Variants in PAK3 observed in about 807,000 individuals in gnomAD.
PAK3 encodes serine/threonine-protein kinase PAK 3.
Under a neutral mutation model 41.0 loss-of-function variants are expected in PAK3, and 4 were observed. The observed-to-expected ratio is 0.10, with a 90% confidence interval of 0.05 to 0.22. The LOEUF (loss-of-function observed/expected upper bound fraction) is 0.22, where lower values mean the gene tolerates loss of function less well. Among genes scored for constraint, PAK3 ranks in the 10% least tolerant of loss-of-function variants. The pLI is 1.00. For missense variants in PAK3, 205 were observed against 409.9 expected, an observed-to-expected ratio of 0.50 and a Z score of 4.32; for synonymous variants, 146 against 139.6, an observed-to-expected ratio of 1.05 and a Z score of -0.32.
intron 1 of PAK3, among the ~76,000 whole-genome samples, chrX:111,055,557 T>G (rs775434753): frequency 8.9e-6 from 1 of 112,073 alleles, no homozygotes; most frequent in East Asian, 2.8e-4. Flanking sequence ...AATAGTCAAG[T>G]CCAAAATCCC....
chrX:111,079,378 T>C (rs1447750064), intron 1 of PAK3, among the ~76,000 whole-genome samples: 1 of 111,728 alleles, frequency 9.0e-6, no homozygotes, highest in African/African-American at 3.2e-5. Flanking sequence ...CCCTTAAGAA[T>C]TATGCTAAAT....
At chrX:111,018,123 C>T (rs1381114803) in intron 1 of PAK3, among the ~76,000 whole-genome samples, 1 of 111,300 alleles carries the variant, frequency 9.0e-6, no homozygotes, top group Non-Finnish European at 1.9e-5. Context: ...AAACCTACAG[C>T]TAACATCATG....
chrX:111,193,744 G>T (rs1399742324), intron 13 of PAK3, among the ~76,000 whole-genome samples: 1 of 100,579 alleles, frequency 9.9e-6, no homozygotes, highest in Non-Finnish European at 1.9e-5. Context: ...TTGTAATTTT[G>T]CAAAAACAAA....
At position 111,123,107 on chromosome X, in the gene PAK3, T is replaced by C; in HGVS notation, c.4T>C (p.Ser2Pro). Residue 2 changes from serine (S) to proline (P), a missense_variant, in exon 5 of 18, where the codon TCT becomes CCT. By Grantham distance (74) the Ser-to-Pro change is moderately conservative (BLOSUM62 -1). Transcript: ENST00000372007. M[S>P]DGLDNEEKPP... Reference sequence around the variant, plus strand: ...GTGAAATTAGTTGTAACTGAAAATGTCTGACGGTCTGGATAATGAAGAGAA... The same window carrying C: ...GTGAAATTAGTTGTAACTGAAAATGCCTGACGGTCTGGATAATGAAGAGAA... 1 of 1,201,048 alleles carries C rather than the reference T, an allele frequency of 8.3e-7. No individual in the cohort carries two copies. The highest frequency in any genetic ancestry group is 1.1e-6 in the Non-Finnish European group (1 of 885,804).
At chrX:111,157,072 T>C (rs1424780696) in intron 8 of PAK3, among the ~76,000 whole-genome samples, 2 of 111,534 alleles carry the variant, frequency 1.8e-5, no homozygotes, top group Non-Finnish European at 3.8e-5. Flanking sequence ...TACTGGTTAA[T>C]TTTTTTTAAA....
intron 1 of PAK3, among the ~76,000 whole-genome samples, chrX:110,967,190 C>T (rs936074990): frequency 1.8e-5 from 2 of 112,918 alleles, no homozygotes; most frequent in African/African-American, 6.4e-5. Flanking sequence ...TAACATTCTA[C>T]AGACTTGCCA....
chrX:111,121,198 G>A (rs138827392), intron 4 of PAK3, among the ~76,000 whole-genome samples: 108 of 111,657 alleles, frequency 9.7e-4, no homozygotes, highest in African/African-American at 3.2e-3. Flanking sequence ...TGAAATTGTT[G>A]GTGATAGTGA....
Position 111,225,193 on chromosome X carries a change from C to T in PAK3, c.*4746C>T, listed in dbSNP as rs1430845371. 1 of 112,295 alleles carries T rather than the reference C, an allele frequency of 8.9e-6. No homozygotes were observed. The highest frequency in any genetic ancestry group is 1.9e-5 in the Non-Finnish European group (1 of 53,288). The allele number at this position is 112,295 out of a possible 1,213,427, so 9.3% of individuals were successfully genotyped here. ...GTAGAAGATTTGTTTTTGATATAAT[C>T]TTTCTGTTGGTTAGCTTTTAGTGTT... On this transcript the variant is annotated 3_prime_UTR_variant, in exon 18 of 18. Coordinates refer to ENST00000372007, the MANE Select transcript of PAK3 (RefSeq NM_002578.5).
chrX:111,093,448 G>T (rs1011771984), upstream of PAK3, among the ~76,000 whole-genome samples: 2 of 111,610 alleles, frequency 1.8e-5, no homozygotes, highest in Non-Finnish European at 3.8e-5. Context: ...ACAGTGAGTT[G>T]GGTGGTAAAA....
chrX:111,217,405 G>T lies in PAK3; in HGVS notation c.1545+847G>T, dbSNP rs1488421904. ...CATTTAACATCTAAGAACAATGACT[G>T]CTATTTTTCTTTGTGATTTTGAACA... On this transcript the variant is annotated intron_variant, in intron 17 of 17. Coordinates refer to ENST00000372007, the MANE Select transcript of PAK3 (RefSeq NM_002578.5). 6.4e-5 allele frequency: 33 copies of T among 517,112 alleles called. 1 individual carries two copies. The Admixed American group carries it at 1.0e-3, about 16-fold the overall frequency. 42.6% of individuals were successfully genotyped at this position (517,112 alleles called of 1,213,427 possible). A position where few individuals can be genotyped will look rare whatever the true frequency, so the allele number is the denominator to read the frequency against.
At chrX:110,946,286 G>A (rs2090618397) in intron 1 of PAK3, among the ~76,000 whole-genome samples, 2 of 110,792 alleles carry the variant, frequency 1.8e-5, no homozygotes, top group Admixed American at 1.9e-4. Flanking sequence ...GGGAGTCCTT[G>A]GAAGTGTGAC....
chrX:110,993,014 G>C (rs769131178), intron 1 of PAK3, among the ~76,000 whole-genome samples: 2 of 111,393 alleles, frequency 1.8e-5, no homozygotes, highest in South Asian at 3.9e-4. Context: ...CTCTTCTGGA[G>C]GTTTTCCACT....
At chrX:110,989,038 G>A (rs376353203) in intron 1 of PAK3, among the ~76,000 whole-genome samples, 8 of 111,924 alleles carry the variant, frequency 7.1e-5, no homozygotes, top group East Asian at 2.8e-4. Flanking sequence ...CTATCCTTCC[G>A]GTCACATCAA....
intron 1 of PAK3, among the ~76,000 whole-genome samples, chrX:110,948,091 C>T (rs151094782): frequency 0.057 from 6,399 of 111,943 alleles, 204 homozygotes; most frequent in Non-Finnish European, 0.087. Flanking sequence ...TGCCTCATTT[C>T]TCTGCTCTGC....
intron 1 of PAK3, among the ~76,000 whole-genome samples, chrX:110,961,081 C>T (rs1232496332): frequency 9.0e-6 from 1 of 111,203 alleles, no homozygotes; most frequent in East Asian, 2.8e-4. Flanking sequence ...GGATCTTGTT[C>T]CTGGCTGCAC....
chrX:111,091,905 G>A (rs1173485454), upstream of PAK3, among the ~76,000 whole-genome samples: 4 of 111,596 alleles, frequency 3.6e-5, no homozygotes, highest in Non-Finnish European at 3.8e-5. Context: ...TGCAGCTGCT[G>A]TAGCAAAAGA....
chrX:111,219,560 G>A (rs2094910979), intron 17 of PAK3, among the ~76,000 whole-genome samples: 1 of 111,009 alleles, frequency 9.0e-6, no homozygotes, highest in Non-Finnish European at 1.9e-5. Context: ...CTTTTTAAAT[G>A]TTGAATTTAA....
At chrX:111,090,175 T>A (rs557665851) in intron 1 of PAK3, among the ~76,000 whole-genome samples, 1 of 111,254 alleles carries the variant, frequency 9.0e-6, no homozygotes, top group Non-Finnish European at 1.9e-5. Context: ...GGTTTGGCCA[T>A]GCCCTACCAT....
At chrX:111,141,293 A>T (rs2093867922) in intron 5 of PAK3, among the ~76,000 whole-genome samples, 2 of 111,874 alleles carry the variant, frequency 1.8e-5, no homozygotes, top group South Asian at 7.4e-4. Flanking sequence ...TGATACATTT[A>T]TTTATAATTA....
Sources: allele counts gnomAD v4.1 joint callset (sites outside exome capture counted in the v4.1 genomes callset), GRCh38; gene constraint gnomAD v4.1.1; transcripts MANE v1.5; gene names NCBI Gene and HGNC (gene_info 2026-07-23, HGNC 2026-07-21).